Variants in LAD1 observed in about 807,000 individuals in gnomAD.
LAD1 encodes ladinin 1.
In LAD1, 53 loss-of-function variants were observed where a neutral mutation model predicts 54.2. The ratio of observed to expected loss-of-function variants is 0.98; its 90% confidence interval spans 0.78 to 1.23. The LOEUF (loss-of-function observed/expected upper bound fraction) is 1.23, where lower values mean the gene tolerates loss of function less well. LAD1 is among the 50% of genes most tolerant of loss of function. LAD1 has a pLI of 0.00. For missense variants in LAD1, 637 were observed against 653.3 expected, an observed-to-expected ratio of 0.98 and a Z score of 0.27; for synonymous variants, 231 against 257.7, an observed-to-expected ratio of 0.90 and a Z score of 0.99.
In LAD1 at chr1:201,381,783, G is replaced by A; in HGVS notation, c.*105C>T. On this transcript the variant is annotated 3_prime_UTR_variant, in exon 10 of 10. Transcript: ENST00000391967. Reference sequence around the variant, plus strand: ...CCAAACAGATCCACAGGCAAAAAGGGAACAGGGACAATGAGAGGAAAGGGT... The same window carrying A: ...CCAAACAGATCCACAGGCAAAAAGGAAACAGGGACAATGAGAGGAAAGGGT... 7.8e-7 allele frequency: 1 copy of A among 1,286,130 alleles called. No homozygotes were observed. The allele number at this position is 1,286,130 out of a possible 1,614,324, so 79.7% of individuals were successfully genotyped here. A position where few individuals can be genotyped will look rare whatever the true frequency, so the allele number is the denominator to read the frequency against.
chr1:201,396,034 G>A (rs1169657156), intron 1 of LAD1, among the ~76,000 whole-genome samples: 1 of 110,308 alleles, frequency 9.1e-6, no homozygotes, highest in Non-Finnish European at 1.8e-5. Flanking sequence ...TGGGGCCCAG[G>A]GCAAAGCCTG....
Position 201,385,822 on chromosome 1 carries a change from G to A in LAD1, c.1027-17C>T. Reference sequence around the variant, plus strand: ...GATTTTCACCTGGATGGAGCAGGGGGAGTGTCACATAAGAGGTCTAGGGCC... The same window carrying A: ...GATTTTCACCTGGATGGAGCAGGGGAAGTGTCACATAAGAGGTCTAGGGCC... On this transcript the variant is annotated splice_polypyrimidine_tract_variant and intron_variant, in intron 3 of 9. Transcript: ENST00000391967. 6.3e-7 allele frequency: 1 copy of A among 1,585,628 alleles called. No individual in the cohort carries two copies. Among genetic ancestry groups the A allele is most frequent in the South Asian group, 1.1e-5 (1 of 90,468 alleles).
At chr1:201,393,797 A>T (rs1217535704) in intron 1 of LAD1, among the ~76,000 whole-genome samples, 1 of 151,404 alleles carries the variant, frequency 6.6e-6, no homozygotes, top group Non-Finnish European at 1.5e-5. Context: ...GTGGGCTCAA[A>T]GAATGCTTTA....
Position 201,389,241 on chromosome 1 carries a change from T to G in LAD1, c.101A>C (p.His34Pro), listed in dbSNP as rs917020067. The G allele has an allele frequency of 1.9e-6, 3 of 1,614,012 alleles. No homozygotes were observed. Among genetic ancestry groups the G allele is most frequent in the Non-Finnish European group, 2.5e-6 (3 of 1,180,026 alleles). Residue 34 changes from histidine to proline, a missense_variant, in exon 2 of 10, where the codon CAC becomes CCC. By Grantham distance (77) the His-to-Pro change is moderately conservative (BLOSUM62 -2). Transcript: ENST00000391967. ...EEQERERRRR[H>P]RNLSSTTDDE... The stretch of plus-strand genomic sequence containing the variant: ...GTCCGTGGTGGAGCTCAGGTTGCGG[T>G]GCCGCCGCCTGCGCTCGCGCTCCTG...
At position 201,389,254 on chromosome 1, in the gene LAD1, G is replaced by A. The variant is rs376384415; in HGVS notation, c.88C>T (p.Arg30Cys). ...CTCAGGTTGCGGTGCCGCCGCCTGC[G>A]CTCGCGCTCCTGTTCCTCCTCATCC... The part of the protein sequence containing the change: ...LEDEEEQERE[R>C]RRRHRNLSST... Residue 30 changes from arginine to cysteine, a missense_variant, in exon 2 of 10, where the codon CGC becomes TGC. Physicochemically the swap from Arg to Cys is radical, Grantham distance 180. Coordinates refer to ENST00000391967, the MANE Select transcript of LAD1 (RefSeq NM_005558.4). The A allele has an allele frequency of 6.1e-5, 98 of 1,613,892 alleles. No individual in the cohort carries two copies. Among genetic ancestry groups the A allele is most frequent in the Non-Finnish European group, 7.1e-5 (84 of 1,180,002 alleles).
intron 1 of LAD1, among the ~76,000 whole-genome samples, chr1:201,393,995 G>C (rs1662242513): frequency 6.6e-6 from 1 of 151,914 alleles, no homozygotes; most frequent in South Asian, 2.1e-4. Context: ...AGGATTACTT[G>C]AGCCCAGGAG....
intron 1 of LAD1, among the ~76,000 whole-genome samples, chr1:201,393,509 G>A (rs539791769): frequency 6.6e-6 from 1 of 152,244 alleles, no homozygotes; most frequent in East Asian, 1.9e-4. Flanking sequence ...ACTTTGAGAG[G>A]CTGAGGCAGG....
In LAD1 at chr1:201,381,322, G is replaced by C. The variant is rs1661952098; in HGVS notation, c.*566C>G. 1 of 161,686 alleles carries C rather than the reference G, an allele frequency of 6.2e-6. No individual in the cohort carries two copies. Among genetic ancestry groups the C allele is most frequent in the African/African-American group, 2.4e-5 (1 of 41,354 alleles). The allele number at this position is 161,686 out of a possible 1,614,324, so 10.0% of individuals were successfully genotyped here. On this transcript the variant is annotated 3_prime_UTR_variant, in exon 10 of 10. Coordinates refer to ENST00000391967, the MANE Select transcript of LAD1 (RefSeq NM_005558.4). ...ACTTAGCTCCTGGCCATGGCAGCCGGCCAGGGAAGGGAGGGGAGAACCAAG... is the reference window on the plus strand; with the variant it reads ...ACTTAGCTCCTGGCCATGGCAGCCGCCCAGGGAAGGGAGGGGAGAACCAAG...
chr1:201,383,472 C>T, intron 5 of LAD1, 83 bp from the exon 6 acceptor site: 1 of 1,242,656 alleles, frequency 8.0e-7, no homozygotes, highest in Non-Finnish European at 1.2e-6. Context: ...AGGAGCAGCC[C>T]CATCACACGT....
Position 201,399,281 on chromosome 1 carries a change from G to T in LAD1, c.26C>A (p.Ser9Tyr). Reference sequence around the variant, plus strand: ...CTCCGGCGCTCACCTGGACAGCGCGGACCAGTCCTTCCTGCTGACAGCCAT... The same window carrying T: ...CTCCGGCGCTCACCTGGACAGCGCGTACCAGTCCTTCCTGCTGACAGCCAT... MAVSRKDW[S>Y]ALSSLARQRT... Residue 9 changes from serine (S) to tyrosine (Y), a missense_variant, in exon 1 of 10, where the codon TCC becomes TAC. Transcript: ENST00000391967. 6.5e-7 allele frequency: 1 copy of T among 1,549,680 alleles called. No individual in the cohort carries two copies. Among genetic ancestry groups the T allele is most frequent in the Non-Finnish European group, 8.7e-7 (1 of 1,154,298 alleles).
intron 1 of LAD1, 126 bp from the exon 2 acceptor site, chr1:201,389,429 G>C: frequency 9.0e-7 from 1 of 1,109,362 alleles, no homozygotes; most frequent in South Asian, 1.6e-5. Context: ...TAGCAGCTCA[G>C]AAGTGCTTGA....
At chr1:201,390,630 G>T (rs1341077924) in intron 1 of LAD1, among the ~76,000 whole-genome samples, 1 of 152,206 alleles carries the variant, frequency 6.6e-6, no homozygotes, top group Non-Finnish European at 1.5e-5. Context: ...GGTTTCTCCA[G>T]CTCAGCACTG....
intron 2 of LAD1, 139 bp from the exon 3 acceptor site, chr1:201,387,317 A>G (rs1001747256): frequency 1.0e-4 from 79 of 768,448 alleles, no homozygotes; most frequent in Middle Eastern, 4.0e-4. Flanking sequence ...GCTCACCACC[A>G]CCTTTATCCA....
Position 201,383,195 on chromosome 1 carries a change from T to C in LAD1, c.1265A>G (p.Lys422Arg). The C allele has an allele frequency of 2.5e-6, 4 of 1,613,734 alleles. No homozygotes were observed. Among genetic ancestry groups the C allele is most frequent in the Non-Finnish European group, 3.4e-6 (4 of 1,179,796 alleles). The change falls in exon 7 of 10, where the codon AAG (lysine) becomes AGG (arginine). Residue 422 changes from lysine to arginine, a missense_variant. Lys to Arg is a conservative substitution (Grantham distance 26). Transcript: ENST00000391967. Reference protein sequence around the residue: ...HTAIRRSESVKSRGLPCTELF... With the variant: ...HTAIRRSESVRSRGLPCTELF... The stretch of plus-strand genomic sequence containing the variant: ...CTCAGTGCAAGGCAGACCCCGAGAC[T>C]TGACAGATTCTGATCTCTGGGAACC...
chr1:201,385,987 C>T (rs907808254), intron 3 of LAD1, among the ~76,000 whole-genome samples, 182 bp from the exon 4 acceptor site: 1 of 152,160 alleles, frequency 6.6e-6, no homozygotes, highest in Admixed American at 6.5e-5. Flanking sequence ...CCCTTGGGGC[C>T]AGGGCACCAG....
intron 2 of LAD1, among the ~76,000 whole-genome samples, chr1:201,388,927 G>A (rs1662145258): frequency 6.6e-6 from 1 of 152,168 alleles, no homozygotes; most frequent in South Asian, 2.1e-4. Flanking sequence ...GCCATAAAAT[G>A]TCCAGCACAG....
intron 2 of LAD1, among the ~76,000 whole-genome samples, 172 bp from the exon 3 acceptor site, chr1:201,387,350 G>T (rs1424714626): frequency 6.6e-6 from 1 of 151,852 alleles, no homozygotes; most frequent in Non-Finnish European, 1.5e-5. Flanking sequence ...CACTTCCAAG[G>T]TATCATCTGA....
At chr1:201,385,024 A>T (rs1276508261) in intron 4 of LAD1, among the ~76,000 whole-genome samples, 189 bp from the exon 5 acceptor site, 1 of 152,202 alleles carries the variant, frequency 6.6e-6, no homozygotes, top group Admixed American at 6.5e-5. Flanking sequence ...TTGTATCTGG[A>T]AGACACAGGT....
intron 1 of LAD1, among the ~76,000 whole-genome samples, chr1:201,395,482 G>A (rs952785135): frequency 3.3e-5 from 5 of 152,178 alleles, no homozygotes; most frequent in Non-Finnish European, 7.3e-5. Flanking sequence ...CACTGGGTGC[G>A]GTGGCTCATG....
Sources: allele counts gnomAD v4.1 joint callset (sites outside exome capture counted in the v4.1 genomes callset), GRCh38; gene constraint gnomAD v4.1.1; transcripts MANE v1.5; gene names NCBI Gene and HGNC (gene_info 2026-07-23, HGNC 2026-07-21).